The following CYP3A43 variants were observed in gnomAD, a reference collection of about 807,000 sequenced individuals.
The protein encoded by CYP3A43 is cytochrome P450 3A43.
A neutral mutation model predicts 58.0 loss-of-function variants in CYP3A43; 45 were observed. That is an observed-to-expected ratio of 0.78 (90% CI 0.61 to 0.99). The LOEUF is 0.99. CYP3A43 is among the 50% of genes least tolerant of loss of function. The probability of loss-of-function intolerance (pLI) is 0.00; values close to 1 mark genes in which losing one functional copy is unlikely to be tolerated. For synonymous variants in CYP3A43, 191 were observed against 201.4 expected (o/e 0.95, Z 0.44); for missense variants, 593 against 591.9 (o/e 1.00, Z -0.02).
intron 4 of CYP3A43, among the ~76,000 whole-genome samples, chr7:99,845,025 C>T (rs925919913): frequency 2.0e-5 from 3 of 149,948 alleles, no homozygotes; most frequent in African/African-American, 4.9e-5. Flanking sequence ...GCCAAGATTG[C>T]GCCATTGCAC....
At chr7:99,861,531 A>G in intron 10 of CYP3A43, 82 bp from the exon 11 acceptor site, 2 of 1,208,696 alleles carry the variant, frequency 1.7e-6, no homozygotes, top group Non-Finnish European at 1.2e-6. Context: ...TGGAGCTCCT[A>G]ACACTTCAAT....
intron 7 of CYP3A43, among the ~76,000 whole-genome samples, chr7:99,852,088 C>T (rs186908882): frequency 5.8e-4 from 89 of 152,328 alleles, no homozygotes; most frequent in African/African-American, 1.9e-3. Flanking sequence ...ATCATGACAC[C>T]TTCCTCAAAA....
chr7:99,856,754 T>G lies in CYP3A43; in HGVS notation c.799-79T>G, dbSNP rs1817994948. 2.1e-6 allele frequency: 3 copies of G among 1,431,212 alleles called. No homozygotes were observed. The Admixed American group carries it at 5.3e-5, about 25-fold the overall frequency. 88.7% of individuals were successfully genotyped at this position (1,431,212 alleles called of 1,614,324 possible). A position where few individuals can be genotyped will look rare whatever the true frequency, so the allele number is the denominator to read the frequency against. ...AAAGAGAGCATATTCTCAGGAGGGG[T>G]GCTTAGGACTGGACTCCTGATTCAC... is the stretch of plus-strand genomic sequence containing the variant. On this transcript the variant is annotated intron_variant, in intron 8 of 12. Coordinates refer to ENST00000354829, the MANE Select transcript of CYP3A43 (RefSeq NM_057095.3).
rs139519517 is a variant in CYP3A43 at position 99,846,849 on chromosome 7, G to T, written c.319-639G>T. Among the ~76,000 whole-genome samples, 304 of 152,238 alleles carry T rather than the reference G, an allele frequency of 2.0e-3. 1 individual carries two copies. The highest frequency in any genetic ancestry group is 6.9e-3 in the African/African-American group (288 of 41,548). ...AATACAGTTTTGAAAGATGGAAGAA[G>T]GTTTCAAGTTATTGGACTAATAGGC... On this transcript the variant is annotated intron_variant, in intron 4 of 12. Coordinates refer to ENST00000354829, the MANE Select transcript of CYP3A43 (RefSeq NM_057095.3).
intron 3 of CYP3A43, among the ~76,000 whole-genome samples, chr7:99,842,038 A>C (rs1427836842): frequency 6.6e-6 from 1 of 152,214 alleles, no homozygotes; most frequent in Non-Finnish European, 1.5e-5. Context: ...TTGAATTAAG[A>C]CTTCTAAATT....
intron 7 of CYP3A43, 89 bp downstream of exon 7, chr7:99,849,783 A>G (rs1817678645): frequency 2.3e-6 from 3 of 1,277,052 alleles, no homozygotes; most frequent in South Asian, 1.6e-5. Context: ...TTCACATACC[A>G]TATAATTCAC....
At position 99,863,693 on chromosome 7, in the gene CYP3A43, G is replaced by T; in HGVS notation, c.1410G>T (p.Glu470Asp). 1 of 1,586,832 alleles carries T rather than the reference G, an allele frequency of 6.3e-7. No individual in the cohort carries two copies. The highest frequency in any genetic ancestry group is 8.6e-7 in the Non-Finnish European group (1 of 1,167,456). ...ACTTCTCCTTCAAACCTTGTAAAGA[G>T]ACTCAGGTCAGTAAACTTTCTTATA... ...LQNFSFKPCK[E>D]TQIPLKLDNL... Residue 470 changes from glutamate (E) to aspartate (D), a missense_variant, in exon 12 of 13, where the codon GAG becomes GAT. Glu to Asp is a conservative substitution (Grantham distance 45). Coordinates refer to ENST00000354829, the MANE Select transcript of CYP3A43 (RefSeq NM_057095.3).
chr7:99,845,320 T>C (rs1362047370), intron 4 of CYP3A43, among the ~76,000 whole-genome samples: 1 of 152,040 alleles, frequency 6.6e-6, no homozygotes, highest in Non-Finnish European at 1.5e-5. Context: ...TTTTTCTTTT[T>C]CTTTTTCTTT....
intron 11 of CYP3A43, 88 bp downstream of exon 11, chr7:99,861,927 A>C (rs1818254009): frequency 6.1e-6 from 7 of 1,154,744 alleles, no homozygotes; most frequent in Non-Finnish European, 7.4e-6. Flanking sequence ...CAATCATTTG[A>C]ATATGTGCCT....
intron 6 of CYP3A43, 81 bp from the exon 7 acceptor site, chr7:99,849,465 C>A: frequency 6.7e-7 from 1 of 1,486,156 alleles, no homozygotes; most frequent in Non-Finnish European, 9.0e-7. Flanking sequence ...CTTGCTCTGG[C>A]ATAGCACTTC....
At position 99,855,696 on chromosome 7, in the gene CYP3A43, G is replaced by A; in HGVS notation, c.776G>A (p.Ser259Asn). The A allele has an allele frequency of 6.2e-7, 1 of 1,611,166 alleles. No individual in the cohort carries two copies. The highest frequency in any genetic ancestry group is 1.1e-5 in the South Asian group (1 of 90,368). ...LKNSIERMKE[S>N]RLKDKQKHRV... ...AATTCCATTGAAAGGATGAAAGAAA[G>A]TCGCCTCAAAGATAAACAAAAGGTA... Residue 259 changes from serine (S) to asparagine (N), a missense_variant, in exon 8 of 13, where the codon AGT becomes AAT. Ser to Asn is a conservative substitution (Grantham distance 46). Transcript: ENST00000354829.
intron 8 of CYP3A43, among the ~76,000 whole-genome samples, chr7:99,856,345 C>G (rs1817981652): frequency 6.6e-6 from 1 of 152,136 alleles, no homozygotes; most frequent in South Asian, 2.1e-4. Flanking sequence ...ACTGGGTCCC[C>G]TAGGTGACAC....
intron 6 of CYP3A43, 21 bp from the exon 7 acceptor site, chr7:99,849,525 T>C: frequency 6.3e-7 from 1 of 1,575,934 alleles, no homozygotes; most frequent in Non-Finnish European, 8.6e-7. Flanking sequence ...GTTTTAATTT[T>C]CCATGTTTTA....
At chr7:99,839,629 T>A (rs1817251374) in intron 3 of CYP3A43, among the ~76,000 whole-genome samples, 1 of 152,210 alleles carries the variant, frequency 6.6e-6, no homozygotes, top group East Asian at 1.9e-4. Flanking sequence ...GGTCTCCCTA[T>A]AGTGGACGCA....
At chr7:99,837,228 A>C (rs1396475302) in intron 2 of CYP3A43, among the ~76,000 whole-genome samples, 1 of 149,436 alleles carries the variant, frequency 6.7e-6, no homozygotes, top group Non-Finnish European at 1.5e-5. Context: ...CTGAGGCAGG[A>C]GAATGGCGTG....
chr7:99,836,993 C>G (rs1817109947), intron 2 of CYP3A43, among the ~76,000 whole-genome samples: 1 of 152,036 alleles, frequency 6.6e-6, no homozygotes, highest in South Asian at 2.1e-4. Context: ...TGTTTCCTTC[C>G]TCCTGTAGAG....
In CYP3A43 at chr7:99,857,580, C is replaced by T. The variant is rs1175226681; in HGVS notation, c.865+681C>T. Among the ~76,000 whole-genome samples the T allele has an allele frequency of 2.6e-5, 4 of 152,248 alleles. No individual in the cohort carries two copies. In the South Asian group the frequency reaches 6.2e-4, roughly 24 times the overall value. ...AGTGGAGGCTGGGCATGGTGGCTCA[C>T]GTCTGTAATCTCAGCACTTTGGGAG... On this transcript the variant is annotated intron_variant, in intron 9 of 12. Transcript: ENST00000354829.
In CYP3A43 at chr7:99,828,141, T is replaced by G. The variant is rs1414156805; in HGVS notation, c.26T>G (p.Met9Arg). 6.2e-7 allele frequency: 1 copy of G among 1,613,242 alleles called. No homozygotes were observed. The highest frequency in any genetic ancestry group is 1.7e-5 in the Admixed American group (1 of 60,004). Residue 9 changes from methionine (M) to arginine (R), a missense_variant, in exon 1 of 13, where the codon ATG (methionine) becomes AGG (arginine). Physicochemically the swap from Met to Arg is moderately conservative, Grantham distance 91. Coordinates refer to ENST00000354829, the MANE Select transcript of CYP3A43 (RefSeq NM_057095.3). Reference sequence around the variant, plus strand: ...ATGGATCTCATTCCAAACTTTGCCATGGAAACATGGGTTCTTGTGGCTACC... The same window carrying G: ...ATGGATCTCATTCCAAACTTTGCCAGGGAAACATGGGTTCTTGTGGCTACC... The part of the protein sequence containing the change: MDLIPNFA[M>R]ETWVLVATSL...
chr7:99,835,750 T>C (rs926012870), intron 1 of CYP3A43, among the ~76,000 whole-genome samples: 1 of 152,224 alleles, frequency 6.6e-6, no homozygotes, highest in Non-Finnish European at 1.5e-5. Flanking sequence ...AGTGTGGGCA[T>C]CCTTCTAGAG....
Sources: gnomAD v4.1 joint callset for allele counts (sites outside exome capture counted in the v4.1 genomes callset) on GRCh38, gnomAD v4.1.1 for gene constraint, MANE v1.5 for transcripts, NCBI Gene and HGNC (gene_info 2026-07-23, HGNC 2026-07-21) for gene names.